Variants in PODN observed in about 807,000 individuals in gnomAD.
The protein encoded by PODN is podocan.
In PODN, 40 loss-of-function variants were observed where a neutral mutation model predicts 52.7. The ratio of observed to expected loss-of-function variants is 0.76; its 90% confidence interval spans 0.59 to 0.99. The LOEUF (loss-of-function observed/expected upper bound fraction) is 0.99, where lower values mean the gene tolerates loss of function less well. Ranked by LOEUF, PODN falls within the 50% of genes least tolerant of loss-of-function variation. The probability of loss-of-function intolerance (pLI) is 0.00; values close to 1 mark genes in which losing one functional copy is unlikely to be tolerated. For missense variants in PODN, 720 were observed against 815.1 expected (o/e 0.88, Z 1.42); for synonymous variants, 396 against 377.9 (o/e 1.05, Z -0.56).
chr1:53,081,370 C>A (rs1394069024), intron 9 of PODN, among the ~76,000 whole-genome samples: 3 of 152,220 alleles, frequency 2.0e-5, no homozygotes, highest in Non-Finnish European at 2.9e-5. Flanking sequence ...ACAATCCCTG[C>A]CCCCAAATCA....
chr1:53,074,615 A>G lies in PODN; in HGVS notation c.416A>G (p.Glu139Gly). ...TGCCTGTCCTTTGAAGGGCTCCCAGAGAAGGCGTTTGAGCATCTGACCAAC... is the reference window on the plus strand; with the variant it reads ...TGCCTGTCCTTTGAAGGGCTCCCAGGGAAGGCGTTTGAGCATCTGACCAAC... ...NNRLTSRGLP[E>G]KAFEHLTNLN... The change falls in exon 4 of 11, where the codon GAG (glutamate) becomes GGG (glycine). Residue 139 changes from glutamate to glycine, a missense_variant. By Grantham distance (98) the Glu-to-Gly change is moderately conservative (BLOSUM62 -2). Coordinates refer to ENST00000312553, the MANE Select transcript of PODN (RefSeq NM_153703.5). 1 of 1,614,048 alleles carries G rather than the reference A, an allele frequency of 6.2e-7. No homozygotes were observed. The highest frequency in any genetic ancestry group is 8.5e-7 in the Non-Finnish European group (1 of 1,180,030).
At chr1:53,080,103 G>A (rs1311183054) in intron 8 of PODN, among the ~76,000 whole-genome samples, 3 of 152,128 alleles carry the variant, frequency 2.0e-5, no homozygotes, top group African/African-American at 7.2e-5. Context: ...CTCCCTGTGG[G>A]AACCCACTTT....
chr1:53,063,378 A>C (rs1264966251), intron 1 of PODN: 4 of 985,730 alleles, frequency 4.1e-6, no homozygotes, highest in Non-Finnish European at 4.8e-6. Context: ...AGGGAAGGGG[A>C]AGCTGTGGTC....
At chr1:53,065,993 G>GTTTTTT (rs1191631889) in intron 1 of PODN, among the ~76,000 whole-genome samples, 1 of 126,536 alleles carries the variant, frequency 7.9e-6, no homozygotes, top group African/African-American at 3.9e-5. Context: ...TTTTCTAGAG[G>GTTTTTT]TCTTTTTTTT....
chr1:53,082,125 G>C lies in PODN; in HGVS notation c.1806G>C (p.Glu602Asp). The C allele has an allele frequency of 6.2e-7, 1 of 1,605,404 alleles. No homozygotes were observed. The highest frequency in any genetic ancestry group is 8.5e-7 in the Non-Finnish European group (1 of 1,178,146). Residue 602 changes from glutamate (E) to aspartate (D), a missense_variant, in exon 10 of 11, where the codon GAG (glutamate) becomes GAC (aspartate). Physicochemically the swap from Glu to Asp is conservative, Grantham distance 45. Transcript: ENST00000312553. The part of the protein sequence containing the change: ...RGRLGKEKEE[E>D]EEEEEEEEET... ...GCTTGGGGAAGGAAAAGGAGGAGGA[G>C]GAAGAGGAGGAGGAGGAGGAAGAGG...
rs190197693 is a variant in PODN, at chr1:53,074,692, G to T, written c.471+22G>T. 61 of 1,610,182 alleles carry T rather than the reference G, an allele frequency of 3.8e-5. No homozygotes were observed. The Admixed American group carries it at 7.4e-4, about 19-fold the overall frequency. The stretch of plus-strand genomic sequence containing the variant: ...CAAGGTGAGGGGCTTGAGGCAGGGT[G>T]GGGGGTTGCTGCCCTGTCCTCTAGG... On this transcript the variant is annotated intron_variant, in intron 4 of 10. Transcript: ENST00000312553.
chr1:53,082,883 G>A (rs951954816), intron 10 of PODN, among the ~76,000 whole-genome samples: 1 of 152,014 alleles, frequency 6.6e-6, no homozygotes, highest in Non-Finnish European at 1.5e-5. Context: ...ACATGCATGT[G>A]AGTACATGCA....
At chr1:53,080,949 C>T (rs1037074622) in intron 9 of PODN, 73 bp downstream of exon 9, 22 of 1,565,604 alleles carry the variant, frequency 1.4e-5, no homozygotes, top group East Asian at 1.1e-4. Flanking sequence ...AGTTGATGCA[C>T]GTGGGAACAG....
intron 9 of PODN, among the ~76,000 whole-genome samples, 197 bp downstream of exon 9, chr1:53,081,073 G>A: frequency 6.6e-6 from 1 of 152,274 alleles, no homozygotes. Flanking sequence ...AACGTTAGAA[G>A]CCAGTGCGCA....
chr1:53,077,257 A>G lies in PODN; in HGVS notation c.649A>G (p.Ser217Gly), dbSNP rs149874281. The change falls in exon 6 of 11, where the codon AGC (serine) becomes GGC (glycine). Residue 217 changes from serine to glycine, a missense_variant. Coordinates refer to ENST00000312553, the MANE Select transcript of PODN (RefSeq NM_153703.5). ...GLPDNMFNGS[S>G]NVEVLILSSN... ...GCCGGACAACATGTTCAACGGCTCCAGCAACGTCGAGGTCCTCATCCTGTC... is the reference window on the plus strand; with the variant it reads ...GCCGGACAACATGTTCAACGGCTCCGGCAACGTCGAGGTCCTCATCCTGTC... The G allele has an allele frequency of 1.2e-4, 189 of 1,613,368 alleles. No individual in the cohort carries two copies. Among genetic ancestry groups the G allele is most frequent in the Non-Finnish European group, 1.6e-4 (184 of 1,180,034 alleles).
At position 53,069,818 on chromosome 1, in the gene PODN, G is replaced by T. The variant is rs754877608; in HGVS notation, c.-38G>T. Reference sequence around the variant, plus strand: ...CCTCACAGGTTCCGTCAGCCCTGGCGCCCAGGCGCATCTGACTCGGCACCC... The same window carrying T: ...CCTCACAGGTTCCGTCAGCCCTGGCTCCCAGGCGCATCTGACTCGGCACCC... On this transcript the variant is annotated 5_prime_UTR_variant, in exon 2 of 11. Transcript: ENST00000312553. 1.9e-6 allele frequency: 3 copies of T among 1,582,012 alleles called. No individual in the cohort carries two copies. Among genetic ancestry groups the T allele is most frequent in the African/African-American group, 1.3e-5 (1 of 74,168 alleles).
At chr1:53,082,858 T>C (rs1332411300) in intron 10 of PODN, among the ~76,000 whole-genome samples, 1 of 152,154 alleles carries the variant, frequency 6.6e-6, no homozygotes, top group Non-Finnish European at 1.5e-5. Context: ...TGTACATACG[T>C]GCACACACGT....
chr1:53,062,369 C>A, intron 1 of PODN, 61 bp downstream of exon 1: 1 of 1,153,046 alleles, frequency 8.7e-7, no homozygotes, highest in Non-Finnish European at 1.1e-6. Context: ...GGGCAGCGCA[C>A]TCAGACGTCC....
chr1:53,071,260 T>A, intron 2 of PODN: 1 of 331,744 alleles, frequency 3.0e-6, no homozygotes, highest in Non-Finnish European at 5.5e-6. Context: ...CTGGAGGAGA[T>A]AGCATGTCGA....
At position 53,074,622 on chromosome 1, in the gene PODN, G is replaced by A. The variant is rs768138824; in HGVS notation, c.423G>A (p.Ala141=). The A allele has an allele frequency of 1.5e-5, 24 of 1,613,958 alleles. No individual in the cohort carries two copies. The highest frequency in any genetic ancestry group is 6.6e-5 in the South Asian group (6 of 91,092). Residue 141 remains alanine, a synonymous_variant, in exon 4 of 11, where the codon GCG becomes GCA. Coordinates refer to ENST00000312553, the MANE Select transcript of PODN (RefSeq NM_153703.5). ...CCTTTGAAGGGCTCCCAGAGAAGGC[G>A]TTTGAGCATCTGACCAACCTCAATT... The part of the protein sequence containing the change: ...RLTSRGLPEK[A]FEHLTNLNYL...
intron 9 of PODN, 105 bp from the exon 10 acceptor site, chr1:53,081,876 G>A: frequency 6.7e-7 from 1 of 1,484,788 alleles, no homozygotes; most frequent in Non-Finnish European, 9.0e-7. Flanking sequence ...CACTTTCCGG[G>A]AGGGCCATTC....
At position 53,062,227 on chromosome 1, in the gene PODN, G is replaced by A; in HGVS notation, c.-137G>A. 7.9e-7 allele frequency: 1 copy of A among 1,273,570 alleles called. No individual in the cohort carries two copies. Among genetic ancestry groups the A allele is most frequent in the Non-Finnish European group, 1.0e-6 (1 of 1,002,976 alleles). 78.9% of individuals were successfully genotyped at this position (1,273,570 alleles called of 1,614,324 possible). On this transcript the variant is annotated 5_prime_UTR_variant, in exon 1 of 11. Transcript: ENST00000312553. ...GCGCCCAGCTTGACTTGAATGGAAG[G>A]AGCCCGAGCCCGCGGAGCGCAGCTG...
At chr1:53,062,907 T>G (rs1401870913) in intron 1 of PODN, among the ~76,000 whole-genome samples, 1 of 152,208 alleles carries the variant, frequency 6.6e-6, no homozygotes, top group Non-Finnish European at 1.5e-5. Context: ...AACCACTAGT[T>G]GAGCTAAAGG....
chr1:53,070,175 C>A lies in PODN; in HGVS notation c.312+8C>A. On this transcript the variant is annotated splice_region_variant and intron_variant, in intron 2 of 10. Coordinates refer to ENST00000312553, the MANE Select transcript of PODN (RefSeq NM_153703.5). ...AACCACCTATCTCTGCAGGTGAGGT[C>A]GGCGTTGCACCTGTGGTCACGGGGG... 1 of 1,603,794 alleles carries A rather than the reference C, an allele frequency of 6.2e-7. No individual in the cohort carries two copies. The highest frequency in any genetic ancestry group is 1.1e-5 in the South Asian group (1 of 91,032).
Sources: gnomAD v4.1 joint callset for allele counts (sites outside exome capture counted in the v4.1 genomes callset) on GRCh38, gnomAD v4.1.1 for gene constraint, MANE v1.5 for transcripts, NCBI Gene and HGNC (gene_info 2026-07-23, HGNC 2026-07-21) for gene names.